Variants in RANBP2 observed in about 807,000 individuals in gnomAD.
RANBP2 encodes RAN binding protein 2, also known as E3 SUMO-protein ligase RanBP2.
A neutral mutation model predicts 303.6 loss-of-function variants in RANBP2; 57 were observed. The ratio of observed to expected loss-of-function variants is 0.19; its 90% CI spans 0.15 to 0.23. The LOEUF (loss-of-function observed/expected upper bound fraction) is 0.23, where lower values mean the gene tolerates loss of function less well. Among genes scored for constraint, RANBP2 ranks in the 10% least tolerant of loss-of-function variants. RANBP2 has a pLI of 1.00. For missense variants in RANBP2, 3,138 were observed against 3,780.8 expected (o/e 0.83, Z 4.46); for synonymous variants, 1,167 against 1,301.5 (o/e 0.90, Z 2.23).
At chr2:109,701,156 G>A in the RANBP2 span, among the ~76,000 whole-genome samples, 2 of 152,194 alleles carry the variant, frequency 1.3e-5, no homozygotes, top group African/African-American at 4.8e-5. Flanking sequence ...GCAAGCACAC[G>A]AGCCCAAACC....
chr2:109,564,973 C>G, the RANBP2 span, among the ~76,000 whole-genome samples: 1 of 152,116 alleles, frequency 6.6e-6, no homozygotes, highest in African/African-American at 2.4e-5. Context: ...TCCTTCCCTG[C>G]TATAATTATC....
chr2:109,150,620 C>T, the RANBP2 span, among the ~76,000 whole-genome samples: 1 of 152,134 alleles, frequency 6.6e-6, no homozygotes, highest in Non-Finnish European at 1.5e-5. Context: ...GCTTGTCACA[C>T]AGCTGGTGAA....
At chr2:109,359,576 TTTAAC>T in the RANBP2 span, among the ~76,000 whole-genome samples, 11 of 152,344 alleles carry the variant, frequency 7.2e-5, no homozygotes, top group Admixed American at 1.3e-4. Context: ...TGTATCATGT[TTTAAC>T]TTAAATTTCA....
chr2:109,203,371 G>A, the RANBP2 span, among the ~76,000 whole-genome samples: 1 of 152,332 alleles, frequency 6.6e-6, no homozygotes, highest in South Asian at 2.1e-4. Context: ...CCTGTTGTGA[G>A]ACGGATGGCC....
the RANBP2 span, among the ~76,000 whole-genome samples, chr2:108,822,513 C>T: frequency 6.6e-6 from 1 of 152,176 alleles, no homozygotes; most frequent in African/African-American, 2.4e-5. Context: ...CTTCTCTTCT[C>T]AAGTGTACAT....
chr2:109,615,443 G>A, the RANBP2 span: 28 of 1,613,178 alleles, frequency 1.7e-5, no homozygotes, highest in Admixed American at 2.8e-4. Context: ...AGGAGCTTCT[G>A]GCCATGCTAG....
At chr2:109,486,900 G>C in the RANBP2 span, among the ~76,000 whole-genome samples, 1 of 152,202 alleles carries the variant, frequency 6.6e-6, no homozygotes, top group East Asian at 1.9e-4. Context: ...CAGAGCAAAC[G>C]AGACGTTTTG....
chr2:108,863,604 G>C, the RANBP2 span, among the ~76,000 whole-genome samples: 1 of 152,154 alleles, frequency 6.6e-6, no homozygotes, highest in Non-Finnish European at 1.5e-5. Context: ...ATTCTGGTTT[G>C]TTGACTTTAA....
chr2:109,335,454 C>A, the RANBP2 span, among the ~76,000 whole-genome samples: 1 of 152,194 alleles, frequency 6.6e-6, no homozygotes, highest in Non-Finnish European at 1.5e-5. Context: ...CTCTGCCCCT[C>A]AGGGCTGGGA....
the RANBP2 span, among the ~76,000 whole-genome samples, chr2:109,628,499 A>ATAAT: frequency 8.4e-6 from 1 of 118,600 alleles, no homozygotes; most frequent in Non-Finnish European, 1.7e-5. Context: ...GTCTCAAAAA[A>ATAAT]TAATAAATAA....
the RANBP2 span, among the ~76,000 whole-genome samples, chr2:109,317,123 T>A: frequency 6.6e-6 from 1 of 152,182 alleles, no homozygotes; most frequent in African/African-American, 2.4e-5. Context: ...CATGAGTGGG[T>A]TTCTCATGAA....
the RANBP2 span, among the ~76,000 whole-genome samples, chr2:109,088,878 A>T: frequency 1.3e-5 from 2 of 152,242 alleles, no homozygotes; most frequent in Non-Finnish European, 2.9e-5. Flanking sequence ...AAAATGGTAT[A>T]TCTATGCCAG....
chr2:108,832,344 CT>C, the RANBP2 span, among the ~76,000 whole-genome samples: 16,657 of 122,170 alleles, frequency 0.14, 1,693 homozygotes, highest in African/African-American at 0.34. Context: ...GTATTTCTTT[CT>C]TTTTTTTTTT....
At chr2:108,728,539 C>T (rs1044415773) in intron 1 of RANBP2, among the ~76,000 whole-genome samples, 4 of 151,972 alleles carry the variant, frequency 2.6e-5, no homozygotes, top group African/African-American at 9.7e-5. Flanking sequence ...TAGCCTCCCA[C>T]CTTGGTCTCT....
chr2:109,570,526 G>GT, the RANBP2 span, among the ~76,000 whole-genome samples: 5 of 118,290 alleles, frequency 4.2e-5, no homozygotes, highest in South Asian at 1.4e-3. Flanking sequence ...CATTGTATCA[G>GT]GTTTTTTTTT....
the RANBP2 span, among the ~76,000 whole-genome samples, chr2:108,834,686 CA>C: frequency 1.2e-4 from 18 of 152,196 alleles, no homozygotes; most frequent in Admixed American, 2.0e-4. Flanking sequence ...GTACAACCAT[CA>C]TCGCTATCAA....
the RANBP2 span, among the ~76,000 whole-genome samples, chr2:108,993,767 A>C: frequency 6.6e-6 from 1 of 152,188 alleles, no homozygotes; most frequent in East Asian, 1.9e-4. Context: ...CTACTGATTA[A>C]ACAAAAGCCT....
chr2:109,392,624 T>G, the RANBP2 span, among the ~76,000 whole-genome samples: 2 of 152,058 alleles, frequency 1.3e-5, no homozygotes, highest in Non-Finnish European at 2.9e-5. Context: ...ACGCCAGCCG[T>G]TCTCCTGCCT....
Position 108,785,027 on chromosome 2 carries a change from G to T in RANBP2, c.*1126G>T, listed in dbSNP as rs1573864731. On this transcript the variant is annotated 3_prime_UTR_variant, in exon 29 of 29. Coordinates refer to ENST00000283195, the MANE Select transcript of RANBP2 (RefSeq NM_006267.5). ...TCAATATGGAACTACAAAGAATCCA[G>T]GTAGAACACAAAATTTTGTATATTG... The T allele has an allele frequency of 6.6e-6, 1 of 152,282 alleles. No homozygotes were observed. The highest frequency in any genetic ancestry group is 1.9e-4 in the East Asian group (1 of 5,192). 9.4% of individuals were successfully genotyped at this position (152,282 alleles called of 1,614,324 possible). A position where few individuals can be genotyped will look rare whatever the true frequency, so the allele number is the denominator to read the frequency against.
Sources: gnomAD v4.1 joint callset for allele counts (sites outside exome capture counted in the v4.1 genomes callset) on GRCh38, gnomAD v4.1.1 for gene constraint, MANE v1.5 for transcripts, NCBI Gene and HGNC (gene_info 2026-07-23, HGNC 2026-07-21) for gene names.